GCFC2: variants seen among roughly 807,000 people sequenced by gnomAD.
GCFC2 encodes GC-rich sequence DNA-binding factor 2, also known as intron Large complex component GCFC2.
A neutral mutation model predicts 99.4 loss-of-function variants in GCFC2; 102 were observed. That is an observed-to-expected ratio of 1.03 (90% CI 0.87 to 1.21). The LOEUF is 1.21. Ranked by LOEUF, GCFC2 falls within the 50% of genes most tolerant of loss-of-function variation. The pLI is 0.00. For missense variants in GCFC2, 973 were observed against 920.9 expected (o/e 1.06, Z -0.73); for synonymous variants, 338 against 316.8 (o/e 1.07, Z -0.71).
rs754737332 is a variant in GCFC2, at chr2:75,701,189, C to T, written c.717+1G>A. 3.3e-5 allele frequency: 50 copies of T among 1,493,244 alleles called. No homozygotes were observed. The highest frequency in any genetic ancestry group is 4.6e-5 in the Non-Finnish European group (49 of 1,070,458). The allele number at this position is 1,493,244 out of a possible 1,614,324, so 92.5% of individuals were successfully genotyped here. On this transcript the variant is annotated splice_donor_variant, in intron 4 of 16. Transcript: ENST00000321027. LOFTEE classifies it high-confidence loss of function. ...ATACACATGGGATAAAAAATGATTACCTCTATGATTTTAACTGCTTTCCTC... is the reference window on the plus strand; with the variant it reads ...ATACACATGGGATAAAAAATGATTATCTCTATGATTTTAACTGCTTTCCTC...
intron 13 of GCFC2, among the ~76,000 whole-genome samples, chr2:75,673,179 G>A (rs182836096): frequency 7.6e-4 from 115 of 152,154 alleles, no homozygotes; most frequent in East Asian, 3.7e-3. Context: ...GCGTGGTGGC[G>A]GGCGCCTGTA....
Position 75,689,076 on chromosome 2 carries a change from G to T in GCFC2, c.1489C>A (p.Leu497Ile). The stretch of plus-strand genomic sequence containing the variant: ...TGAACTCGTATTAGGGGATTTAAAA[G>T]CTTTGGTATGCATAAACTAATGAAA... ...EAFISLCIPK[L>I]LNPLIRVQLI... The change falls in exon 10 of 17, where the codon CTT (leucine) becomes ATT (isoleucine). Residue 497 changes from leucine (L) to isoleucine (I), a missense_variant. Transcript: ENST00000321027. 1 of 1,597,276 alleles carries T rather than the reference G, an allele frequency of 6.3e-7. No individual in the cohort carries two copies. Among genetic ancestry groups the T allele is most frequent in the Non-Finnish European group, 8.6e-7 (1 of 1,167,368 alleles).
Position 75,708,809 on chromosome 2 carries a change from C to G in GCFC2, c.265+1782G>C, listed in dbSNP as rs190281207. 2.5e-3 allele frequency among the ~76,000 whole-genome samples: 386 copies of G among 152,030 alleles called. 3 individuals carry two copies. Among genetic ancestry groups the G allele is most frequent in the African/African-American group, 8.8e-3 (365 of 41,474 alleles). ...CAGGTGTGAGCCACTGTGCCCGGCCCGCAACTAACTTTTAAGAAGGGTTAG... is the reference window on the plus strand; with the variant it reads ...CAGGTGTGAGCCACTGTGCCCGGCCGGCAACTAACTTTTAAGAAGGGTTAG... On this transcript the variant is annotated intron_variant, in intron 1 of 16. Transcript: ENST00000321027.
intron 11 of GCFC2, 35 bp downstream of exon 11, chr2:75,687,792 A>T: frequency 1.3e-6 from 2 of 1,534,456 alleles, no homozygotes; most frequent in East Asian, 4.5e-5. Context: ...TCTGTCAGAA[A>T]ATAATTTAAT....
At chr2:75,680,361 T>C in intron 11 of GCFC2, 47 bp from the exon 12 acceptor site, 1 of 1,514,578 alleles carries the variant, frequency 6.6e-7, no homozygotes, top group South Asian at 1.2e-5. Context: ...CTAGATTGTT[T>C]TGCTTTTCAT....
Position 75,694,233 on chromosome 2 carries a change from A to G in GCFC2, c.1020+8T>C, listed in dbSNP as rs1573076148. On this transcript the variant is annotated splice_region_variant and intron_variant, in intron 6 of 16. Transcript: ENST00000321027. The stretch of plus-strand genomic sequence containing the variant: ...AAGGAAATGATATAAATAAATATTG[A>G]TATGTACCTTTTCATTAAGGCAGTC... 2 of 751,432 alleles carry G rather than the reference A, an allele frequency of 2.7e-6. No individual in the cohort carries two copies. The highest frequency in any genetic ancestry group is 4.4e-6 in the Non-Finnish European group (2 of 451,392). The allele number at this position is 751,432 out of a possible 1,614,324, so 46.5% of individuals were successfully genotyped here. A position where few individuals can be genotyped will look rare whatever the true frequency, so the allele number is the denominator to read the frequency against.
At position 75,689,065 on chromosome 2, in the gene GCFC2, G is replaced by A. The variant is rs757737561; in HGVS notation, c.1500C>T (p.Pro500=). ...AATCAATCAACTGAACTCGTATTAG[G>A]GGATTTAAAAGCTTTGGTATGCATA... ...ISLCIPKLLN[P]LIRVQLIDWN... The change falls in exon 10 of 17, where the codon CCC becomes CCT. Residue 500 remains proline, a synonymous_variant. Coordinates refer to ENST00000321027, the MANE Select transcript of GCFC2 (RefSeq NM_003203.5). The A allele has an allele frequency of 1.3e-6, 2 of 1,594,580 alleles. No individual in the cohort carries two copies. Among genetic ancestry groups the A allele is most frequent in the Non-Finnish European group, 1.7e-6 (2 of 1,165,806 alleles).
At chr2:75,692,146 AAT>A (rs35357470) in intron 6 of GCFC2, 46 bp from the exon 7 acceptor site, 12,929 of 390,618 alleles carry the variant, frequency 0.033, 206 homozygotes, top group African/African-American at 0.073. Context: ...TCGATAATGA[AAT>A]ATATATATAT....
chr2:75,673,479 T>C lies in GCFC2; in HGVS notation c.1854A>G (p.Val618=), dbSNP rs779840760. ...ACAGAGGAATAAAAACATCATCTTC[T>C]ACTGCCTTTTTCATTCTTGAAACAA... The part of the protein sequence containing the change: ...KSIVSRMKKA[V]EDDVFIPLYP... The change falls in exon 13 of 17, where the codon GTA becomes GTG. Residue 618 remains valine, a synonymous_variant. Coordinates refer to ENST00000321027, the MANE Select transcript of GCFC2 (RefSeq NM_003203.5). The C allele has an allele frequency of 1.4e-6, 2 of 1,436,200 alleles. No individual in the cohort carries two copies. The highest frequency in any genetic ancestry group is 1.1e-5 in the South Asian group (1 of 87,244). 89.0% of individuals were successfully genotyped at this position (1,436,200 alleles called of 1,614,324 possible).
At chr2:75,685,450 CT>C (rs1481620624) in intron 11 of GCFC2, among the ~76,000 whole-genome samples, 2 of 152,114 alleles carry the variant, frequency 1.3e-5, no homozygotes, top group African/African-American at 4.8e-5. Flanking sequence ...GATTCTAATC[CT>C]CATCTGACTT....
intron 11 of GCFC2, among the ~76,000 whole-genome samples, chr2:75,683,800 G>GA (rs34060020): frequency 8.1e-6 from 1 of 123,864 alleles, no homozygotes; most frequent in Non-Finnish European, 1.7e-5. Context: ...AAAGAAAAAA[G>GA]AAAAAAAAGC....
Position 75,709,212 on chromosome 2 carries a change from GA to G in GCFC2, c.265+1378del, listed in dbSNP as rs370395801. Reference sequence around the variant, plus strand: ...AACCTACTGAAACAAAAGCTCTTTGGAATCCTTAATCATTTCTAAGAGTCTA... The same window carrying G: ...AACCTACTGAAACAAAAGCTCTTTGGATCCTTAATCATTTCTAAGAGTCTA... On this transcript the variant is annotated intron_variant, in intron 1 of 16. Coordinates refer to ENST00000321027, the MANE Select transcript of GCFC2 (RefSeq NM_003203.5). Among the ~76,000 whole-genome samples the G allele has an allele frequency of 6.8e-3, 1,041 of 152,182 alleles. 8 individuals are homozygous for G. The highest frequency in any genetic ancestry group is 0.024 in the African/African-American group (994 of 41,512).
At chr2:75,675,314 C>A (rs1679284339) in intron 12 of GCFC2, among the ~76,000 whole-genome samples, 1 of 152,048 alleles carries the variant, frequency 6.6e-6, no homozygotes, top group South Asian at 2.1e-4. Context: ...AATGGAAGGG[C>A]TAATGATAAA....
At position 75,692,044 on chromosome 2, in the gene GCFC2, A is replaced by G; in HGVS notation, c.1077T>C (p.Ala359=). The G allele has an allele frequency of 6.4e-7, 1 of 1,555,254 alleles. No homozygotes were observed. The highest frequency in any genetic ancestry group is 8.8e-7 in the Non-Finnish European group (1 of 1,140,546). ...SSMHALLLKQ[A]MTFMKRRQDE... The stretch of plus-strand genomic sequence containing the variant: ...CTTGCCTGCGTTTCATAAAGGTCAT[A>G]GCTTGTTTTAAAAGGAGTGCATGCA... Residue 359 remains alanine (A), a synonymous_variant, in exon 7 of 17, where the codon GCT becomes GCC. Coordinates refer to ENST00000321027, the MANE Select transcript of GCFC2 (RefSeq NM_003203.5).
rs573969865 is a variant in GCFC2 at position 75,710,683 on chromosome 2, G to T, written c.173C>A (p.Pro58His). 3 of 1,525,278 alleles carry T rather than the reference G, an allele frequency of 2.0e-6. No homozygotes were observed. In the African/African-American group the frequency reaches 4.3e-5, roughly 22 times the overall value. The allele number at this position is 1,525,278 out of a possible 1,614,324, so 94.5% of individuals were successfully genotyped here. Reference sequence around the variant, plus strand: ...GCCACGAGGGCCCCGAACCCGGTGGGGCAGTCCCGCCACCTGCGCGCGGCC... The same window carrying T: ...GCCACGAGGGCCCCGAACCCGGTGGTGCAGTCCCGCCACCTGCGCGCGGCC... Reference protein sequence around the residue: ...GGGRAQVAGLPHRVRGPRGRG... With the variant: ...GGGRAQVAGLHHRVRGPRGRG... Residue 58 changes from proline (P) to histidine (H), a missense_variant, in exon 1 of 17, where the codon CCC (proline) becomes CAC (histidine). Pro to His is a moderately conservative substitution (Grantham distance 77). Transcript: ENST00000321027.
chr2:75,710,587 A>C lies in GCFC2; in HGVS notation c.265+4T>G. Reference sequence around the variant, plus strand: ...TCCCCGCTTCCCCGCGTCTCCCTGGACACCTGAGCCTTCGTCCGCGCGGGG... The same window carrying C: ...TCCCCGCTTCCCCGCGTCTCCCTGGCCACCTGAGCCTTCGTCCGCGCGGGG... On this transcript the variant is annotated splice_donor_region_variant and intron_variant, in intron 1 of 16. Transcript: ENST00000321027. The C allele has an allele frequency of 6.6e-7, 1 of 1,508,418 alleles. No individual in the cohort carries two copies. The highest frequency in any genetic ancestry group is 8.8e-7 in the Non-Finnish European group (1 of 1,135,576). The allele number at this position is 1,508,418 out of a possible 1,614,324, so 93.4% of individuals were successfully genotyped here. A position where few individuals can be genotyped will look rare whatever the true frequency, so the allele number is the denominator to read the frequency against.
At chr2:75,665,112 T>C (rs893653601) in intron 16 of GCFC2, among the ~76,000 whole-genome samples, 3 of 152,082 alleles carry the variant, frequency 2.0e-5, no homozygotes, top group African/African-American at 7.2e-5. Context: ...GGTGGGAGTA[T>C]ATTCACACAT....
Position 75,663,289 on chromosome 2 carries a change from A to G in GCFC2, c.*1377T>C, listed in dbSNP as rs988404555. ...TTTTCCAATTATCTTTTGAACAACA[A>G]TTTGCAAAATATATTTACAGTTTCC... On this transcript the variant is annotated 3_prime_UTR_variant, in exon 17 of 17. Coordinates refer to ENST00000321027, the MANE Select transcript of GCFC2 (RefSeq NM_003203.5). 1.3e-4 allele frequency: 20 copies of G among 152,196 alleles called. No individual in the cohort carries two copies. The highest frequency in any genetic ancestry group is 1.2e-3 in the Admixed American group (19 of 15,284). The allele number at this position is 152,196 out of a possible 1,614,324, so 9.4% of individuals were successfully genotyped here. A position where few individuals can be genotyped will look rare whatever the true frequency, so the allele number is the denominator to read the frequency against.
chr2:75,702,508 C>T, intron 2 of GCFC2, 85 bp from the exon 3 acceptor site: 1 of 1,046,100 alleles, frequency 9.6e-7, no homozygotes, highest in Non-Finnish European at 1.4e-6. Context: ...GAAAAAAGCA[C>T]CATTTTCCTA....
Sources: gnomAD v4.1 joint callset for allele counts (sites outside exome capture counted in the v4.1 genomes callset) on GRCh38, gnomAD v4.1.1 for gene constraint, MANE v1.5 for transcripts, NCBI Gene and HGNC (gene_info 2026-07-23, HGNC 2026-07-21) for gene names.